Variants in LARGE1 observed in about 807,000 individuals in gnomAD.
LARGE1 encodes LARGE xylosyl- and glucuronyltransferase 1.
LARGE1 carries 43 observed loss-of-function variants against 87.6 expected under a neutral mutation model. The ratio of observed to expected loss-of-function variants is 0.49; its 90% CI spans 0.38 to 0.63. LARGE1 has a LOEUF of 0.63. Among genes scored for constraint, LARGE1 ranks in the 30% least tolerant of loss-of-function variants. The probability of loss-of-function intolerance (pLI) is 0.00; values close to 1 mark genes in which losing one functional copy is unlikely to be tolerated. For synonymous variants in LARGE1, 434 were observed against 394.6 expected, an observed-to-expected ratio of 1.10 and a Z score of -1.18; for missense variants, 802 against 1,000.2, an observed-to-expected ratio of 0.80 and a Z score of 2.67.
the LARGE1 span, among the ~76,000 whole-genome samples, chr22:33,092,717 TGTG>T: frequency 6.9e-6 from 1 of 145,106 alleles, no homozygotes; most frequent in South Asian, 2.4e-4. Context: ...AGTGAGAACA[TGTG>T]GTGTTTGGTT....
At chr22:33,239,664 G>C (rs537520267) in intron 11 of LARGE1, among the ~76,000 whole-genome samples, 1 of 146,014 alleles carries the variant, frequency 6.8e-6, no homozygotes, top group Non-Finnish European at 1.5e-5. Context: ...TCGGCCTCCC[G>C]AGTAGCTGGG....
intron 1 of LARGE1, among the ~76,000 whole-genome samples, chr22:33,799,162 T>C (rs2086078644): frequency 6.6e-6 from 1 of 152,080 alleles, no homozygotes; most frequent in Non-Finnish European, 1.5e-5. Flanking sequence ...CCTGGTACCT[T>C]GCAAAATGTT....
intron 5 of LARGE1, among the ~76,000 whole-genome samples, chr22:33,603,537 C>T (rs754232805): frequency 9.2e-5 from 14 of 152,152 alleles, no homozygotes; most frequent in Non-Finnish European, 2.1e-4. Context: ...CAGGCTGTTT[C>T]TTAAGAGGAG....
chr22:33,502,353 G>A (rs765071869), intron 6 of LARGE1, among the ~76,000 whole-genome samples: 2 of 152,128 alleles, frequency 1.3e-5, no homozygotes, highest in Non-Finnish European at 2.9e-5. Flanking sequence ...GTTCCAGTAC[G>A]AAGGAAGAGC....
chr22:33,343,146 G>C (rs910886941), intron 9 of LARGE1, among the ~76,000 whole-genome samples: 7 of 152,052 alleles, frequency 4.6e-5, no homozygotes, highest in Admixed American at 2.0e-4. Flanking sequence ...TGTTGTTTTA[G>C]AGACAGGGTC....
chr22:33,390,689 GTT>G (rs200764992), intron 7 of LARGE1, among the ~76,000 whole-genome samples: 52,912 of 131,402 alleles, frequency 0.4, 12,088 homozygotes, highest in African/African-American at 0.67. Flanking sequence ...TTTGTTGTGT[GTT>G]TTTTTTTTTT....
chr22:33,641,916 T>C (rs2080446531), intron 3 of LARGE1, among the ~76,000 whole-genome samples: 1 of 152,180 alleles, frequency 6.6e-6, no homozygotes. Context: ...TTGGTGTACC[T>C]GAAAGTGACC....
intron 6 of LARGE1, among the ~76,000 whole-genome samples, chr22:33,512,858 C>CTTCTCTTTTCCCCTAATT (rs1241202088): frequency 6.6e-6 from 1 of 152,166 alleles, no homozygotes; most frequent in Non-Finnish European, 1.5e-5. Context: ...ATGTATGATT[C>CTTCTCTTTTCCCCTAATT]TTCTCTTTTC....
intron 10 of LARGE1, among the ~76,000 whole-genome samples, chr22:33,324,633 G>A (rs566589955): frequency 1.3e-5 from 2 of 152,368 alleles, no homozygotes; most frequent in East Asian, 3.9e-4. Context: ...TTTAAGGACA[G>A]TGGCCTAGAC....
intron 1 of LARGE1, among the ~76,000 whole-genome samples, chr22:33,839,201 A>C (rs1237890463): frequency 6.6e-6 from 1 of 152,224 alleles, no homozygotes; most frequent in Non-Finnish European, 1.5e-5. Context: ...GGAAACTTAC[A>C]ATCATGGTGG....
intron 2 of LARGE1, among the ~76,000 whole-genome samples, chr22:33,664,346 A>G (rs767252433): frequency 1.3e-5 from 2 of 152,112 alleles, no homozygotes; most frequent in Non-Finnish European, 2.9e-5. Flanking sequence ...AAAATCTAGG[A>G]CTCACTCCTG....
intron 11 of LARGE1, among the ~76,000 whole-genome samples, chr22:33,254,611 G>A (rs1927166632): frequency 6.6e-6 from 1 of 152,150 alleles, no homozygotes; most frequent in East Asian, 1.9e-4. Flanking sequence ...CAAGCTGTGT[G>A]ACCCTGAGCA....
the LARGE1 span, among the ~76,000 whole-genome samples, chr22:33,096,277 A>G: frequency 2.0e-5 from 3 of 151,990 alleles, no homozygotes; most frequent in African/African-American, 2.4e-5. Flanking sequence ...TTAGCTGGGC[A>G]TGGTAGTGCA....
At chr22:33,417,126 C>T (rs916104968) in intron 7 of LARGE1, among the ~76,000 whole-genome samples, 9 of 151,688 alleles carry the variant, frequency 5.9e-5, no homozygotes, top group Non-Finnish European at 1.2e-4. Flanking sequence ...AGGATGCTCT[C>T]TATCTCTTGA....
intron 10 of LARGE1, among the ~76,000 whole-genome samples, chr22:33,317,118 G>T (rs1936250266): frequency 6.6e-6 from 1 of 152,146 alleles, no homozygotes; most frequent in Non-Finnish European, 1.5e-5. Context: ...GGAGGCTGAG[G>T]CAGGAGAATC....
chr22:33,605,671 T>C (rs1273554135), intron 4 of LARGE1, among the ~76,000 whole-genome samples: 1 of 152,222 alleles, frequency 6.6e-6, no homozygotes, highest in Non-Finnish European at 1.5e-5. Flanking sequence ...ATTGTGCTAC[T>C]ACAAATAATG....
intron 1 of LARGE1, among the ~76,000 whole-genome samples, chr22:33,810,323 C>T (rs1443649042): frequency 6.6e-6 from 1 of 152,174 alleles, no homozygotes; most frequent in Non-Finnish European, 1.5e-5. Context: ...TAGCCCGATA[C>T]TCTTGGTCCC....
At chr22:33,797,869 G>A (rs1019987244) in intron 1 of LARGE1, among the ~76,000 whole-genome samples, 31 of 152,206 alleles carry the variant, frequency 2.0e-4, no homozygotes, top group African/African-American at 6.7e-4. Context: ...ATCCCTCCTC[G>A]CCTCACTCCC....
intron 6 of LARGE1, among the ~76,000 whole-genome samples, chr22:33,460,382 C>T (rs552951215): frequency 2.6e-4 from 39 of 152,250 alleles, no homozygotes; most frequent in African/African-American, 5.1e-4. Context: ...CCAGCAAATT[C>T]GTATTTCTAA....
Sources: allele counts gnomAD v4.1 joint callset (sites outside exome capture counted in the v4.1 genomes callset), GRCh38; gene constraint gnomAD v4.1.1; transcripts MANE v1.5; gene names NCBI Gene and HGNC (gene_info 2026-07-23, HGNC 2026-07-21).